MATN1: variants seen among roughly 807,000 people sequenced by gnomAD.
MATN1 encodes matrilin 1.
A neutral mutation model predicts 41.3 loss-of-function variants in MATN1; 34 were observed. The observed-to-expected ratio is 0.82, with a 90% confidence interval of 0.63 to 1.10. MATN1 has a LOEUF of 1.10. Ranked by LOEUF, MATN1 falls within the 50% of genes least tolerant of loss-of-function variation. The probability of loss-of-function intolerance (pLI) is 0.00; values close to 1 mark genes in which losing one functional copy is unlikely to be tolerated. For missense variants in MATN1, 602 were observed against 662.4 expected (o/e 0.91, Z 1.00); for synonymous variants, 264 against 278.7 (o/e 0.95, Z 0.53).
At chr1:30,719,224 G>A (rs982679483) in intron 2 of MATN1, 1 of 451,540 alleles carries the variant, frequency 2.2e-6, no homozygotes, top group Non-Finnish European at 3.9e-6. Flanking sequence ...CCAAATTGGG[G>A]TCTCTAAGGT....
In MATN1 at chr1:30,714,376, G is replaced by A. The variant is rs200134024; in HGVS notation, c.1361-49C>T. 6.1e-6 allele frequency: 9 copies of A among 1,482,470 alleles called. No homozygotes were observed. The East Asian group carries it at 1.6e-4, about 27-fold the overall frequency. 91.8% of individuals were successfully genotyped at this position (1,482,470 alleles called of 1,614,324 possible). A position where few individuals can be genotyped will look rare whatever the true frequency, so the allele number is the denominator to read the frequency against. On this transcript the variant is annotated intron_variant, in intron 6 of 7. Transcript: ENST00000373765. ...AAGAGAAAGGAACTGTTGAGTGGCT[G>A]CCCAGGAGGAGGGAGGACAGTCACT...
chr1:30,715,846 G>A, intron 5 of MATN1, 63 bp downstream of exon 5: 1 of 1,519,592 alleles, frequency 6.6e-7, no homozygotes, highest in Middle Eastern at 1.8e-4. Context: ...ACTACAGTTG[G>A]GCTATACCCG....
At chr1:30,719,191 C>G in intron 2 of MATN1, 1 of 484,124 alleles carries the variant, frequency 2.1e-6, no homozygotes, top group Non-Finnish European at 3.6e-6. Context: ...CTGAGATGCC[C>G]GGAGGGATGT....
At chr1:30,713,990 T>C (rs901433565) in intron 7 of MATN1, 3 of 583,156 alleles carry the variant, frequency 5.1e-6, no homozygotes, top group African/African-American at 1.9e-5. Flanking sequence ...CTTCAGAGCA[T>C]GTCCAGGACT....
Position 30,716,897 on chromosome 1 carries a change from G to A in MATN1, c.683C>T (p.Ala228Val). 1 of 1,613,516 alleles carries A rather than the reference G, an allele frequency of 6.2e-7. No homozygotes were observed. Among genetic ancestry groups the A allele is most frequent in the South Asian group, 1.1e-5 (1 of 90,972 alleles). ...EAFCVVSDLC[A>V]TGDHDCEQVC... is the part of the protein sequence containing the mutation. Reference sequence around the variant, plus strand: ...CTGCTCACAGTCATGGTCCCCTGTGGCGCACAGGTCTGACACCACTGCGGG... The same window carrying A: ...CTGCTCACAGTCATGGTCCCCTGTGACGCACAGGTCTGACACCACTGCGGG... Residue 228 changes from alanine (A) to valine (V), a missense_variant, in exon 4 of 8, where the codon GCC becomes GTC. Transcript: ENST00000373765.
chr1:30,714,861 C>T (rs1236699852), intron 6 of MATN1, among the ~76,000 whole-genome samples: 1 of 152,198 alleles, frequency 6.6e-6, no homozygotes, highest in African/African-American at 2.4e-5. Context: ...ACAGTTGTTC[C>T]ACCCCTTTGG....
At chr1:30,719,478 C>G (rs1281785691) in intron 2 of MATN1, 1 of 154,344 alleles carries the variant, frequency 6.5e-6, no homozygotes, top group Non-Finnish European at 1.4e-5. Flanking sequence ...GGACCCTGGA[C>G]CAGGGAACCG....
At chr1:30,715,841 A>C (rs1351515065) in intron 5 of MATN1, 68 bp downstream of exon 5, 26 of 1,491,224 alleles carry the variant, frequency 1.7e-5, no homozygotes, top group Non-Finnish European at 1.9e-5. Flanking sequence ...GATAAACTAC[A>C]GTTGGGCTAT....
chr1:30,713,491 C>T lies in MATN1; in HGVS notation c.*91G>A. On this transcript the variant is annotated 3_prime_UTR_variant, in exon 8 of 8. Transcript: ENST00000373765. ...AGGCACACCCAGACACACCCCCTCC[C>T]ACCCCCGGGCTGGCTTCCCTCACTA... 7.5e-7 allele frequency: 1 copy of T among 1,335,848 alleles called. No homozygotes were observed. Among genetic ancestry groups the T allele is most frequent in the Non-Finnish European group, 1.1e-6 (1 of 951,018 alleles). The allele number at this position is 1,335,848 out of a possible 1,614,324, so 82.7% of individuals were successfully genotyped here. A position where few individuals can be genotyped will look rare whatever the true frequency, so the allele number is the denominator to read the frequency against.
Position 30,718,499 on chromosome 1 carries a change from G to T in MATN1, c.664+236C>A, listed in dbSNP as rs1247228477. 5.1e-4 allele frequency: 51 copies of T among 99,048 alleles called. No homozygotes were observed. The South Asian group carries it at 0.012, about 23-fold the overall frequency. 6.1% of individuals were successfully genotyped at this position (99,048 alleles called of 1,614,324 possible). ...GGCCCCACCCTTGCCCCGCCCCGGC[G>T]CTGACTCTCTCCGTCTCCGCCTCCG... On this transcript the variant is annotated intron_variant, in intron 3 of 7. Transcript: ENST00000373765.
Position 30,718,969 on chromosome 1 carries a change from G to C in MATN1, c.442-12C>G. 2 of 1,486,392 alleles carry C rather than the reference G, an allele frequency of 1.3e-6. No homozygotes were observed. Among genetic ancestry groups the C allele is most frequent in the South Asian group, 2.6e-5 (2 of 78,056 alleles). 92.1% of individuals were successfully genotyped at this position (1,486,392 alleles called of 1,614,324 possible). On this transcript the variant is annotated splice_polypyrimidine_tract_variant and intron_variant, in intron 2 of 7. Coordinates refer to ENST00000373765, the MANE Select transcript of MATN1 (RefSeq NM_002379.3). ...ACCACGATGACCACCTGCGACACGC[G>C]GGGCGGTGTGACACCGGGCTCCCGG...
chr1:30,716,688 T>G, intron 4 of MATN1, 102 bp downstream of exon 4: 3 of 1,471,972 alleles, frequency 2.0e-6, no homozygotes, highest in Non-Finnish European at 2.7e-6. Flanking sequence ...GAAGATTGGT[T>G]CAGAGGTATG....
rs748254960 is a variant in MATN1 at position 30,721,540 on chromosome 1, G to T, written c.306C>A (p.Ala102=). 1 of 1,613,250 alleles carries T rather than the reference G, an allele frequency of 6.2e-7. No individual in the cohort carries two copies. Among genetic ancestry groups the T allele is most frequent in the East Asian group, 2.2e-5 (1 of 44,882 alleles). Residue 102 remains alanine (A), a synonymous_variant, in exon 2 of 8, where the codon GCC becomes GCA. Coordinates refer to ENST00000373765, the MANE Select transcript of MATN1 (RefSeq NM_002379.3). ...EFSLRAHVSK[A]ALLQAVRRIQ... is the part of the protein sequence containing the mutation. ...TACGGCGCACAGCCTGCAGCAGTGCGGCCTTGGAGACATGAGCCCGCAGCG... is the reference window on the plus strand; with the variant it reads ...TACGGCGCACAGCCTGCAGCAGTGCTGCCTTGGAGACATGAGCCCGCAGCG...
chr1:30,714,988 T>C (rs1557449313), intron 6 of MATN1, among the ~76,000 whole-genome samples, 169 bp downstream of exon 6: 1 of 152,228 alleles, frequency 6.6e-6, no homozygotes, highest in South Asian at 2.1e-4. Flanking sequence ...GCATTCAACA[T>C]GTTTGCTGGT....
At chr1:30,720,049 T>C (rs1231194396) in intron 2 of MATN1, 1 of 152,146 alleles carries the variant, frequency 6.6e-6, no homozygotes, top group African/African-American at 2.4e-5. Context: ...TTGTACAATC[T>C]CTTCCTCTCC....
At chr1:30,718,531 G>A (rs1425690920) in intron 3 of MATN1, 121 of 164,618 alleles carry the variant, frequency 7.4e-4, no homozygotes, top group Non-Finnish European at 7.6e-5. Flanking sequence ...TCCGCCCCCG[G>A]CTCCTCCCCG....
chr1:30,714,102 A>G, intron 7 of MATN1, 145 bp downstream of exon 7: 1 of 673,592 alleles, frequency 1.5e-6, no homozygotes, highest in Non-Finnish European at 2.6e-6. Context: ...AGCTGGCTTC[A>G]GCTTATTCTG....
chr1:30,719,078 G>A, intron 2 of MATN1, 121 bp from the exon 3 acceptor site: 1 of 723,286 alleles, frequency 1.4e-6, no homozygotes, highest in Non-Finnish European at 2.1e-6. Context: ...GCGGCACCCG[G>A]GGGAAGAGGA....
In MATN1 at chr1:30,715,613, G is replaced by A. The variant is rs111953052; in HGVS notation, c.1207+296C>T. ...ATTTAATAGGTTACAAAACAGACTC[G>A]GGCTTGTTCCAAAGTAGAGTTGCCT... is the stretch of plus-strand genomic sequence containing the variant. On this transcript the variant is annotated intron_variant, in intron 5 of 7. Coordinates refer to ENST00000373765, the MANE Select transcript of MATN1 (RefSeq NM_002379.3). Among the ~76,000 whole-genome samples the A allele has an allele frequency of 6.2e-3, 946 of 152,170 alleles. 10 individuals are homozygous for A. Among genetic ancestry groups the A allele is most frequent in the African/African-American group, 0.021 (885 of 41,506 alleles).
Sources: allele counts gnomAD v4.1 joint callset (sites outside exome capture counted in the v4.1 genomes callset), GRCh38; gene constraint gnomAD v4.1.1; transcripts MANE v1.5; gene names NCBI Gene and HGNC (gene_info 2026-07-23, HGNC 2026-07-21).